The following MACROD2 variants were observed in gnomAD, a reference collection of about 807,000 sequenced individuals.
MACROD2 encodes ADP-ribose glycohydrolase MACROD2.
Under a neutral mutation model 70.4 loss-of-function variants are expected in MACROD2, and 36 were observed. That is an observed-to-expected ratio of 0.51 (90% CI 0.39 to 0.68). The LOEUF (loss-of-function observed/expected upper bound fraction) is 0.68. Among genes scored for constraint, MACROD2 ranks in the 30% least tolerant of loss-of-function variants. The pLI is 0.00. For missense variants in MACROD2, 496 were observed against 538.4 expected (o/e 0.92, Z 0.78); for synonymous variants, 172 against 178.8 (o/e 0.96, Z 0.30).
At chr20:14,601,288 T>C (rs556561516) in intron 4 of MACROD2, among the ~76,000 whole-genome samples, 1 of 152,284 alleles carries the variant, frequency 6.6e-6, no homozygotes, top group South Asian at 2.1e-4. Context: ...CATTAGATTC[T>C]CATAAGGAGC....
chr20:14,327,083 C>T (rs761095186), intron 3 of MACROD2: 2 of 1,613,734 alleles, frequency 1.2e-6, no homozygotes, highest in East Asian at 2.2e-5. Flanking sequence ...ATGCTAACTG[C>T]AGAGACAGAG....
chr20:14,790,943 G>C (rs934691784), intron 5 of MACROD2, among the ~76,000 whole-genome samples: 1 of 152,038 alleles, frequency 6.6e-6, no homozygotes, highest in Non-Finnish European at 1.5e-5. Context: ...GAAAAAGAGA[G>C]ACCTAAGTGC....
intron 3 of MACROD2, among the ~76,000 whole-genome samples, chr20:14,112,228 G>GGGT (rs2054460783): frequency 6.6e-6 from 1 of 151,940 alleles, no homozygotes; most frequent in East Asian, 1.9e-4. Flanking sequence ...GTAGTGGGGG[G>GGGT]TTGGAGGGTA....
intron 5 of MACROD2, among the ~76,000 whole-genome samples, chr20:14,726,645 C>T (rs1568761202): frequency 6.6e-6 from 1 of 152,192 alleles, no homozygotes; most frequent in Admixed American, 6.5e-5. Context: ...GTCAAAACAA[C>T]ACTATGGCTT....
intron 5 of MACROD2, among the ~76,000 whole-genome samples, chr20:15,175,208 CAT>C (rs1430336065): frequency 7.1e-6 from 1 of 141,352 alleles, no homozygotes; most frequent in Admixed American, 7.8e-5. Flanking sequence ...TATTGTCACT[CAT>C]AGGTGGGAAT....
intron 3 of MACROD2, among the ~76,000 whole-genome samples, chr20:14,308,860 C>A (rs2082542331): frequency 6.6e-6 from 1 of 152,002 alleles, no homozygotes; most frequent in Non-Finnish European, 1.5e-5. Flanking sequence ...AGGGAGTGGG[C>A]AACTGGAGAT....
At chr20:15,823,274 T>TTG (rs1266080055) in intron 8 of MACROD2, among the ~76,000 whole-genome samples, 1 of 104,080 alleles carries the variant, frequency 9.6e-6, no homozygotes, top group Non-Finnish European at 2.0e-5. Context: ...GGTGAGCTCT[T>TTG]CGTGTGTGTG....
At chr20:15,613,367 C>T (rs2048996491) in intron 8 of MACROD2, among the ~76,000 whole-genome samples, 1 of 152,192 alleles carries the variant, frequency 6.6e-6, no homozygotes. Flanking sequence ...CTGTGTAATA[C>T]TGCAGAAATC....
At chr20:16,004,932 A>G (rs558237189) in intron 15 of MACROD2, among the ~76,000 whole-genome samples, 8 of 152,244 alleles carry the variant, frequency 5.3e-5, no homozygotes, top group Non-Finnish European at 8.8e-5. Context: ...TGGAGTATAC[A>G]CCTGCACCCT....
intron 6 of MACROD2, among the ~76,000 whole-genome samples, chr20:15,328,845 C>G (rs1260848255): frequency 6.6e-6 from 1 of 151,754 alleles, no homozygotes; most frequent in African/African-American, 2.4e-5. Flanking sequence ...ATCTAAAATT[C>G]AGAAAAGAAT....
At chr20:14,854,752 C>T (rs895477929) in intron 5 of MACROD2, among the ~76,000 whole-genome samples, 1 of 152,166 alleles carries the variant, frequency 6.6e-6, no homozygotes, top group African/African-American at 2.4e-5. Context: ...CACGATGGCT[C>T]ACGCCTATAA....
intron 5 of MACROD2, among the ~76,000 whole-genome samples, chr20:15,210,152 T>C (rs1161219570): frequency 6.6e-6 from 1 of 152,224 alleles, no homozygotes; most frequent in Non-Finnish European, 1.5e-5. Context: ...CACTGAAATA[T>C]CCAAGCAAGC....
intron 9 of MACROD2, among the ~76,000 whole-genome samples, chr20:15,876,969 T>C (rs1472039811): frequency 6.6e-6 from 1 of 152,140 alleles, no homozygotes; most frequent in Non-Finnish European, 1.5e-5. Flanking sequence ...TGCAATAACG[T>C]GACTGTCTCT....
chr20:14,502,356 T>G (rs983863156), intron 4 of MACROD2, among the ~76,000 whole-genome samples: 2 of 152,212 alleles, frequency 1.3e-5, no homozygotes, highest in Admixed American at 6.5e-5. Context: ...GGCCAGTTCT[T>G]GATGGCAACA....
At chr20:14,974,515 C>T (rs954886804) in intron 5 of MACROD2, among the ~76,000 whole-genome samples, 23 of 152,042 alleles carry the variant, frequency 1.5e-4, no homozygotes, top group Non-Finnish European at 1.8e-4. Flanking sequence ...AGTGCAGTAT[C>T]CTAGTGCAGT....
In MACROD2 at chr20:15,677,439, T is replaced by C. The variant is rs142961024; in HGVS notation, c.645+177592T>C. ...CTATCAGCTTTGACATGTGTGGCCA[T>C]CACTTATGCAGTCTCCCCATGAAGG... On this transcript the variant is annotated intron_variant, in intron 8 of 17. Coordinates refer to ENST00000684519, the MANE Select transcript of MACROD2 (RefSeq NM_001351661.2). Among the ~76,000 whole-genome samples, 249 of 152,180 alleles carry C rather than the reference T, an allele frequency of 1.6e-3. 2 individuals are homozygous for C. The highest frequency in any genetic ancestry group is 5.6e-3 in the African/African-American group (231 of 41,520).
At chr20:15,037,969 C>T (rs1336966593) in intron 5 of MACROD2, among the ~76,000 whole-genome samples, 1 of 151,972 alleles carries the variant, frequency 6.6e-6, no homozygotes, top group African/African-American at 2.4e-5. Context: ...ATGAGAAATG[C>T]TTGAGGCAAT....
At chr20:15,281,905 T>C (rs6079724) in intron 6 of MACROD2, among the ~76,000 whole-genome samples, 78,620 of 152,162 alleles carry the variant, frequency 0.52, 21,168 homozygotes, top group African/African-American at 0.66. Flanking sequence ...CTGCAGCAGA[T>C]TTCTGCCTGG....
intron 8 of MACROD2, among the ~76,000 whole-genome samples, chr20:15,637,064 G>A (rs553987795): frequency 6.6e-6 from 1 of 152,268 alleles, no homozygotes; most frequent in African/African-American, 2.4e-5. Flanking sequence ...GTGTGAAGAT[G>A]TCTCTCATCC....
Sources: gnomAD v4.1 joint callset for allele counts (sites outside exome capture counted in the v4.1 genomes callset) on GRCh38, gnomAD v4.1.1 for gene constraint, MANE v1.5 for transcripts, NCBI Gene and HGNC (gene_info 2026-07-23, HGNC 2026-07-21) for gene names.